The following JAKMIP2 variants were observed in gnomAD, a reference collection of about 807,000 sequenced individuals.
The protein encoded by JAKMIP2 is janus kinase and microtubule-interacting protein 2.
In JAKMIP2, 25 loss-of-function variants were observed where a neutral mutation model predicts 115.0. The ratio of observed to expected loss-of-function variants is 0.22; its 90% CI spans 0.16 to 0.30. The LOEUF is 0.30. Among genes scored for constraint, JAKMIP2 ranks in the 10% least tolerant of loss-of-function variants. JAKMIP2 has a pLI of 1.00. For synonymous variants in JAKMIP2, 334 were observed against 343.6 expected (o/e 0.97, Z 0.31); for missense variants, 642 against 957.6 (o/e 0.67, Z 4.35).
intron 1 of JAKMIP2, among the ~76,000 whole-genome samples, chr5:147,753,609 T>C (rs1754638899): frequency 3.3e-5 from 5 of 152,228 alleles, no homozygotes; most frequent in Admixed American, 3.3e-4. Flanking sequence ...ATGAAGTTTC[T>C]CCATTAAACA....
intron 1 of JAKMIP2, among the ~76,000 whole-genome samples, chr5:147,782,217 C>T (rs1423998773): frequency 6.6e-6 from 1 of 152,080 alleles, no homozygotes; most frequent in African/African-American, 2.4e-5. Flanking sequence ...AGTCTGCATT[C>T]TGAGCCAGTT....
At chr5:147,768,792 A>T (rs73797173) in intron 1 of JAKMIP2, among the ~76,000 whole-genome samples, 2,661 of 152,282 alleles carry the variant, frequency 0.017, 83 homozygotes, top group African/African-American at 0.06. Context: ...GGCAAATGTT[A>T]AAGTATTAAA....
At chr5:147,769,827 T>A (rs1755285242) in intron 1 of JAKMIP2, among the ~76,000 whole-genome samples, 1 of 152,106 alleles carries the variant, frequency 6.6e-6, no homozygotes, top group African/African-American at 2.4e-5. Flanking sequence ...ATGGAACTGC[T>A]GACCCAGGTG....
intron 1 of JAKMIP2, among the ~76,000 whole-genome samples, chr5:147,676,900 A>C (rs1281187687): frequency 6.6e-6 from 1 of 152,200 alleles, no homozygotes; most frequent in Non-Finnish European, 1.5e-5. Context: ...GGGCTTCCTG[A>C]ATCTTTGGTC....
At chr5:147,657,198 T>A (rs909409257) in intron 3 of JAKMIP2, among the ~76,000 whole-genome samples, 2 of 150,100 alleles carry the variant, frequency 1.3e-5, no homozygotes, top group Admixed American at 1.3e-4. Flanking sequence ...GGGAATGGCA[T>A]GAACCCGGGA....
intron 20 of JAKMIP2, among the ~76,000 whole-genome samples, chr5:147,608,623 T>C (rs1241664771): frequency 2.6e-5 from 4 of 152,202 alleles, no homozygotes; most frequent in African/African-American, 7.2e-5. Context: ...ATAAGAGCTA[T>C]GTGGTGCTGA....
chr5:147,744,198 A>G (rs1460754052), intron 1 of JAKMIP2, among the ~76,000 whole-genome samples: 1 of 152,136 alleles, frequency 6.6e-6, no homozygotes, highest in African/African-American at 2.4e-5. Flanking sequence ...TGAGGAGAGG[A>G]CCCAGGATGG....
chr5:147,601,885 C>T, intron 20 of JAKMIP2, 74 bp from the exon 21 acceptor site: 1 of 688,050 alleles, frequency 1.5e-6, no homozygotes, highest in African/African-American at 1.8e-5. Flanking sequence ...AAAACCTCAG[C>T]TTTTCCATAT....
intron 1 of JAKMIP2, among the ~76,000 whole-genome samples, chr5:147,686,739 AT>A (rs1175967125): frequency 1.3e-4 from 20 of 152,200 alleles, no homozygotes; most frequent in Admixed American, 3.3e-4. Flanking sequence ...ATGATGTTTT[AT>A]CCACATTAAA....
intron 21 of JAKMIP2, 25 bp downstream of exon 21, chr5:147,601,716 T>G: frequency 6.7e-7 from 1 of 1,487,970 alleles, no homozygotes; most frequent in Non-Finnish European, 9.0e-7. Context: ...TAGAACCACA[T>G]TTTGAGAATT....
intron 1 of JAKMIP2, among the ~76,000 whole-genome samples, chr5:147,770,896 C>G (rs1167126647): frequency 3.3e-5 from 5 of 152,072 alleles, no homozygotes; most frequent in Non-Finnish European, 7.4e-5. Context: ...AGAACTCACA[C>G]AAAATCTCTT....
At chr5:147,658,499 C>T (rs760021355) in intron 3 of JAKMIP2, among the ~76,000 whole-genome samples, 9 of 152,210 alleles carry the variant, frequency 5.9e-5, no homozygotes, top group Non-Finnish European at 1.3e-4. Flanking sequence ...GTCAGGAACC[C>T]ACTTGAGGAG....
At chr5:147,665,150 C>A (rs1759230183) in intron 2 of JAKMIP2, among the ~76,000 whole-genome samples, 1 of 152,164 alleles carries the variant, frequency 6.6e-6, no homozygotes, top group Non-Finnish European at 1.5e-5. Flanking sequence ...TGAGCCAAAT[C>A]CATCCTGCTC....
At chr5:147,715,130 T>G (rs1278765758) in intron 1 of JAKMIP2, among the ~76,000 whole-genome samples, 2 of 152,118 alleles carry the variant, frequency 1.3e-5, no homozygotes, top group Non-Finnish European at 2.9e-5. Flanking sequence ...ATGTTACAAT[T>G]ACTAGAATTA....
At chr5:147,625,271 G>A (rs1473595411) in intron 16 of JAKMIP2, among the ~76,000 whole-genome samples, 2 of 152,124 alleles carry the variant, frequency 1.3e-5, no homozygotes, top group Non-Finnish European at 2.9e-5. Flanking sequence ...GTGAGCCACT[G>A]CGCCCAGCCC....
At chr5:147,709,883 CT>C (rs1396467677) in intron 1 of JAKMIP2, among the ~76,000 whole-genome samples, 1 of 152,062 alleles carries the variant, frequency 6.6e-6, no homozygotes, top group African/African-American at 2.4e-5. Flanking sequence ...TCGTCCTAGT[CT>C]TTCTTCTTTT....
chr5:147,630,350 T>C (rs1186587164), intron 14 of JAKMIP2, among the ~76,000 whole-genome samples: 2 of 152,294 alleles, frequency 1.3e-5, no homozygotes, highest in African/African-American at 2.4e-5. Context: ...TTGGATTAGG[T>C]TGTTTGTGAT....
At chr5:147,631,298 A>G (rs549225811) in intron 14 of JAKMIP2, 115 bp downstream of exon 14, 1 of 603,234 alleles carries the variant, frequency 1.7e-6, no homozygotes, top group Non-Finnish European at 2.9e-6. Context: ...CATAGTTTGT[A>G]TCAAAATGAT....
At chr5:147,716,525 A>C (rs1193977892) in intron 1 of JAKMIP2, among the ~76,000 whole-genome samples, 3 of 151,900 alleles carry the variant, frequency 2.0e-5, no homozygotes, top group Non-Finnish European at 4.4e-5. Context: ...TGACTTTTTA[A>C]TGATTGCCAT....
Sources: gnomAD v4.1 joint callset for allele counts (sites outside exome capture counted in the v4.1 genomes callset) on GRCh38, gnomAD v4.1.1 for gene constraint, MANE v1.5 for transcripts, NCBI Gene and HGNC (gene_info 2026-07-23, HGNC 2026-07-21) for gene names.